OLFML2B: variants seen among roughly 807,000 people sequenced by gnomAD.
OLFML2B encodes olfactomedin like 2B.
In OLFML2B, 57 loss-of-function variants were observed where a neutral mutation model predicts 74.9. The ratio of observed to expected loss-of-function variants is 0.76; its 90% CI spans 0.61 to 0.95. The LOEUF (loss-of-function observed/expected upper bound fraction) is 0.95, where lower values mean the gene tolerates loss of function less well. OLFML2B is among the 40% of genes least tolerant of loss of function. The pLI, the probability that OLFML2B is intolerant of heterozygous loss-of-function variation, is 0.00. For synonymous variants in OLFML2B, 388 were observed against 405.8 expected (o/e 0.96, Z 0.53); for missense variants, 986 against 970.6 (o/e 1.02, Z -0.21).
In OLFML2B at chr1:162,019,976, G is replaced by A. The variant is rs771619389; in HGVS notation, c.381C>T (p.Pro127=). The change falls in exon 2 of 8, where the codon CCC becomes CCT. Residue 127 remains proline, a synonymous_variant. Coordinates refer to ENST00000294794, the MANE Select transcript of OLFML2B (RefSeq NM_015441.3). ...TCTGGAGCCTGAAGTCTCCCTCGCA[G>A]GGATTGAGGGCCGATGGGGGTGCTA... The part of the protein sequence containing the change: ...ACVAPPSALN[P]CEGDFRLQKL... 2 of 1,614,070 alleles carry A rather than the reference G, an allele frequency of 1.2e-6. No homozygotes were observed. The highest frequency in any genetic ancestry group is 2.7e-5 in the African/African-American group (2 of 74,920).
Position 161,984,721 on chromosome 1 carries a change from C to A in OLFML2B, c.1651+83G>T, listed in dbSNP as rs1689537298. 7.1e-6 allele frequency: 10 copies of A among 1,411,700 alleles called. No individual in the cohort carries two copies. The Admixed American group carries it at 1.5e-4, about 22-fold the overall frequency. The allele number at this position is 1,411,700 out of a possible 1,614,324, so 87.4% of individuals were successfully genotyped here. On this transcript the variant is annotated intron_variant, in intron 7 of 7. Transcript: ENST00000294794. ...GTGTCATCCTTCCTATCCGTCATTA[C>A]CACCCAAAGAGGCCTGGCTGTGATA...
At chr1:162,018,510 C>G (rs962598199) in intron 2 of OLFML2B, among the ~76,000 whole-genome samples, 2 of 152,220 alleles carry the variant, frequency 1.3e-5, no homozygotes, top group Admixed American at 1.3e-4. Context: ...GCTAAACTGA[C>G]CCTGGGCTAA....
At position 162,020,091 on chromosome 1, in the gene OLFML2B, C is replaced by A. The variant is rs1243873323; in HGVS notation, c.266G>T (p.Cys89Phe). The A allele has an allele frequency of 2.5e-6, 4 of 1,614,092 alleles. No homozygotes were observed. The highest frequency in any genetic ancestry group is 3.4e-6 in the Non-Finnish European group (4 of 1,180,044). The change falls in exon 2 of 8, where the codon TGC becomes TTC. Residue 89 changes from cysteine (C) to phenylalanine (F), a missense_variant. Transcript: ENST00000294794. ...CVVRPLGRDA[C>F]QRINAGASRK... is the part of the protein sequence containing the mutation. The stretch of plus-strand genomic sequence containing the variant: ...GGAGGCCCCCGCATTGATCCTCTGG[C>A]AGGCATCCCGGCCCAGGGGTCTCAC...
At chr1:162,018,234 C>T (rs149819193) in intron 2 of OLFML2B, among the ~76,000 whole-genome samples, 104 of 152,256 alleles carry the variant, frequency 6.8e-4, no homozygotes, top group African/African-American at 1.8e-3. Context: ...ACTCCCATGA[C>T]GTGAGTTTAC....
chr1:161,984,714 G>A (rs565241707), intron 7 of OLFML2B, 90 bp downstream of exon 7: 99 of 1,363,066 alleles, frequency 7.3e-5, no homozygotes, highest in Admixed American at 2.1e-4. Context: ...CTTCCTATCC[G>A]TCATTACCAC....
intron 1 of OLFML2B, among the ~76,000 whole-genome samples, chr1:162,021,207 C>T (rs564109903): frequency 2.0e-5 from 3 of 152,192 alleles, no homozygotes; most frequent in Admixed American, 6.5e-5. Flanking sequence ...AGAGGCAGGT[C>T]CAGAAGTTAG....
intron 3 of OLFML2B, among the ~76,000 whole-genome samples, chr1:162,015,844 C>T (rs1006118899): frequency 1.3e-5 from 2 of 152,108 alleles, no homozygotes; most frequent in Non-Finnish European, 2.9e-5. Context: ...TGGCAGACAG[C>T]GAGGAGGAGG....
At chr1:161,984,769 G>A (rs1342138041) in intron 7 of OLFML2B, 35 bp downstream of exon 7, 2 of 1,601,388 alleles carry the variant, frequency 1.2e-6, no homozygotes, top group Non-Finnish European at 1.7e-6. Flanking sequence ...GTGGGGAAGG[G>A]AAGGAGCAGT....
chr1:162,017,713 A>T (rs1292074483), intron 2 of OLFML2B, among the ~76,000 whole-genome samples: 1 of 152,228 alleles, frequency 6.6e-6, no homozygotes, highest in Non-Finnish European at 1.5e-5. Context: ...TGTTTGGGTA[A>T]GAAAATGGGA....
At position 162,023,267 on chromosome 1, in the gene OLFML2B, A is replaced by G; in HGVS notation, c.164T>C (p.Val55Ala). The G allele has an allele frequency of 6.5e-7, 1 of 1,543,642 alleles. No individual in the cohort carries two copies. The highest frequency in any genetic ancestry group is 1.2e-5 in the South Asian group (1 of 82,154). ...CACTCTGCATCCTACCTGAGATAAA[A>G]CGTTCTCCTGGTTGTCCGCCTCGTT... Reference protein sequence around the residue: ...LQNEADNQENVLSQLLGDYDK... With the variant: ...LQNEADNQENALSQLLGDYDK... Residue 55 changes from valine to alanine, a missense_variant, in exon 1 of 8, where the codon GTT becomes GCT. Transcript: ENST00000294794.
At chr1:162,010,872 T>C (rs1335007665) in intron 3 of OLFML2B, among the ~76,000 whole-genome samples, 1 of 152,028 alleles carries the variant, frequency 6.6e-6, no homozygotes, top group African/African-American at 2.4e-5. Flanking sequence ...GAAGGAATGA[T>C]GACACCTACC....
chr1:162,019,993 G>A lies in OLFML2B; in HGVS notation c.364C>T (p.Pro122Ser), dbSNP rs1388981655. Reference sequence around the variant, plus strand: ...CCCTCGCAGGGATTGAGGGCCGATGGGGGTGCTACACAGGCACACTTGCAC... The same window carrying A: ...CCCTCGCAGGGATTGAGGGCCGATGAGGGTGCTACACAGGCACACTTGCAC... The part of the protein sequence containing the change: ...SSCKCACVAP[P>S]SALNPCEGDF... The change falls in exon 2 of 8, where the codon CCA (proline) becomes TCA (serine). Residue 122 changes from proline (P) to serine (S), a missense_variant. Physicochemically the swap from Pro to Ser is moderately conservative, Grantham distance 74. Coordinates refer to ENST00000294794, the MANE Select transcript of OLFML2B (RefSeq NM_015441.3). The A allele has an allele frequency of 6.2e-6, 10 of 1,614,156 alleles. No individual in the cohort carries two copies. The South Asian group carries it at 1.1e-4, about 18-fold the overall frequency.
At chr1:161,987,412 C>T (rs1689620095) in intron 6 of OLFML2B, among the ~76,000 whole-genome samples, 1 of 152,050 alleles carries the variant, frequency 6.6e-6, no homozygotes, top group Admixed American at 6.5e-5. Context: ...AATACAGTCA[C>T]AAGTATCCTT....
At position 161,997,952 on chromosome 1, in the gene OLFML2B, T is replaced by C. The variant is rs1689962317; in HGVS notation, c.1347A>G (p.Thr449=). 2 of 1,614,238 alleles carry C rather than the reference T, an allele frequency of 1.2e-6. No individual in the cohort carries two copies. The highest frequency in any genetic ancestry group is 1.1e-5 in the South Asian group (1 of 91,088). Residue 449 remains threonine, a synonymous_variant, in exon 6 of 8, where the codon ACA becomes ACG. Coordinates refer to ENST00000294794, the MANE Select transcript of OLFML2B (RefSeq NM_015441.3). ...PREALMEAMH[T]VPVPPTTVRT... ...TGACTGTGGTGGGAGGCACTGGGACTGTGTGCATAGCTTCCATCAATGCCT... is the reference window on the plus strand; with the variant it reads ...TGACTGTGGTGGGAGGCACTGGGACCGTGTGCATAGCTTCCATCAATGCCT...
At chr1:162,015,594 G>A (rs559064261) in intron 3 of OLFML2B, among the ~76,000 whole-genome samples, 1 of 152,322 alleles carries the variant, frequency 6.6e-6, no homozygotes, top group South Asian at 2.1e-4. Flanking sequence ...GGTTCTGGGG[G>A]CCTAGGAAAA....
rs765066735 is a variant in OLFML2B at position 161,983,793 on chromosome 1, A to G, written c.2135T>C (p.Leu712Pro). ...ATAGGAATACTCATTCTCGAACAGC[A>G]GCCTGGGGACGATCTGTGTGTTGGT... ...THTNTQIVPR[L>P]LFENEYSYTT... is the part of the protein sequence containing the mutation. Residue 712 changes from leucine (L) to proline (P), a missense_variant, in exon 8 of 8, where the codon CTG becomes CCG. Transcript: ENST00000294794. 21 of 1,614,128 alleles carry G rather than the reference A, an allele frequency of 1.3e-5. No homozygotes were observed. The highest frequency in any genetic ancestry group is 1.7e-5 in the Non-Finnish European group (20 of 1,180,008).
Position 162,019,903 on chromosome 1 carries a change from C to T in OLFML2B, c.438+16G>A, listed in dbSNP as rs765774357. The stretch of plus-strand genomic sequence containing the variant: ...GTGCCCTCTCGTCCAAGGCATTGCC[C>T]CATACCAGGTCCTACCTTCAAGTCC... On this transcript the variant is annotated intron_variant, in intron 2 of 7. Transcript: ENST00000294794. The T allele has an allele frequency of 6.2e-7, 1 of 1,613,276 alleles. No homozygotes were observed. Among genetic ancestry groups the T allele is most frequent in the Admixed American group, 1.7e-5 (1 of 59,978 alleles).
chr1:161,995,654 C>T (rs1296048452), intron 6 of OLFML2B, among the ~76,000 whole-genome samples: 1 of 152,186 alleles, frequency 6.6e-6, no homozygotes, highest in Non-Finnish European at 1.5e-5. Context: ...TCACTCCTGG[C>T]TAGCAAGTCA....
At chr1:161,997,006 A>C (rs1294492982) in intron 6 of OLFML2B, among the ~76,000 whole-genome samples, 1 of 152,086 alleles carries the variant, frequency 6.6e-6, no homozygotes, top group Admixed American at 6.5e-5. Context: ...AAGTACAAAA[A>C]ATTAGCTGGG....
Sources: gnomAD v4.1 joint callset for allele counts (sites outside exome capture counted in the v4.1 genomes callset) on GRCh38, gnomAD v4.1.1 for gene constraint, MANE v1.5 for transcripts, NCBI Gene and HGNC (gene_info 2026-07-23, HGNC 2026-07-21) for gene names.